COL22A1: variants seen among roughly 807,000 people sequenced by gnomAD.
COL22A1 encodes the protein collagen type XXII alpha 1 chain, also known as collagen alpha-1(XXII) chain.
A neutral mutation model predicts 248.9 loss-of-function variants in COL22A1; 221 were observed. That is an observed-to-expected ratio of 0.89 (90% CI 0.80 to 0.99). COL22A1 has a LOEUF of 0.99. COL22A1 is among the 50% of genes least tolerant of loss of function. The pLI, the probability that COL22A1 is intolerant of heterozygous loss-of-function variation, is 0.00. For synonymous variants in COL22A1, 891 were observed against 793.4 expected (o/e 1.12, Z -2.07); for missense variants, 2,240 against 2,179.0 (o/e 1.03, Z -0.56).
At chr8:138,656,092 C>G in intron 44 of COL22A1, 148 bp from the exon 45 acceptor site, 1 of 664,350 alleles carries the variant, frequency 1.5e-6, no homozygotes, top group Admixed American at 2.8e-5. Flanking sequence ...CAGTGGATGT[C>G]CCAAGCCTGG....
At position 138,589,333 on chromosome 8, in the gene COL22A1, G is replaced by A. The variant is rs920938360; in HGVS notation, c.4801C>T (p.Pro1601Ser). The A allele has an allele frequency of 6.2e-7, 1 of 1,612,756 alleles. No homozygotes were observed. Among genetic ancestry groups the A allele is most frequent in the Non-Finnish European group, 8.5e-7 (1 of 1,179,406 alleles). The change falls in exon 65 of 65, where the codon CCC becomes TCC. Residue 1601 changes from proline to serine, a missense_variant. Pro to Ser is a moderately conservative substitution (Grantham distance 74). Coordinates refer to ENST00000303045, the MANE Select transcript of COL22A1 (RefSeq NM_152888.3). ...TGGGAAGGGTCACATTGGCCTGGGG[G>A]ACCGGGAGGTCCTGGGAGGCCAGGA... ...GHPGLPGPPG[P>S]PGQCDPSQCA...
intron 12 of COL22A1, among the ~76,000 whole-genome samples, chr8:138,789,508 T>C (rs1426866554): frequency 1.3e-5 from 2 of 152,188 alleles, no homozygotes; most frequent in African/African-American, 4.8e-5. Flanking sequence ...CGTCAATATA[T>C]CTATATCTTA....
At chr8:138,642,272 G>T (rs1821781521) in intron 47 of COL22A1, among the ~76,000 whole-genome samples, 1 of 152,164 alleles carries the variant, frequency 6.6e-6, no homozygotes, top group Admixed American at 6.5e-5. Context: ...TGTAGCTGTG[G>T]CATTTAATCT....
chr8:138,789,480 A>G (rs972846554), intron 12 of COL22A1, among the ~76,000 whole-genome samples: 4 of 152,264 alleles, frequency 2.6e-5, no homozygotes, highest in African/African-American at 9.6e-5. Flanking sequence ...AAAAGGACCC[A>G]GAGCTAGAGG....
chr8:138,643,530 G>A (rs981546198), intron 47 of COL22A1, among the ~76,000 whole-genome samples: 2 of 151,954 alleles, frequency 1.3e-5, no homozygotes, highest in Non-Finnish European at 2.9e-5. Flanking sequence ...CTGGGCCTAG[G>A]GTAAGGAAAG....
At chr8:138,904,686 A>G (rs1289391003) in intron 1 of COL22A1, among the ~76,000 whole-genome samples, 2 of 152,136 alleles carry the variant, frequency 1.3e-5, no homozygotes, top group Admixed American at 6.5e-5. Context: ...CTCAGATTAC[A>G]GAGTCTTGAG....
At chr8:138,765,876 C>A (rs73719367) in intron 16 of COL22A1, among the ~76,000 whole-genome samples, 1 of 152,190 alleles carries the variant, frequency 6.6e-6, no homozygotes, top group Admixed American at 6.5e-5. Context: ...CCAGGCTAAG[C>A]AGCCAAGACC....
In COL22A1 at chr8:138,613,928, A is replaced by G; in HGVS notation, c.3925-8T>C. On this transcript the variant is annotated splice_polypyrimidine_tract_variant and splice_region_variant and intron_variant, in intron 55 of 64. Coordinates refer to ENST00000303045, the MANE Select transcript of COL22A1 (RefSeq NM_152888.3). ...AGTGGGTCCAGTGTCACCCTGGAAC[A>G]AAGACAGAGAGATGGTGTCATCATC... The G allele has an allele frequency of 6.2e-7, 1 of 1,605,962 alleles. No homozygotes were observed. Among genetic ancestry groups the G allele is most frequent in the Non-Finnish European group, 8.5e-7 (1 of 1,172,532 alleles).
Position 138,802,864 on chromosome 8 carries a change from C to G in COL22A1, c.1557+8G>C. 1 of 1,611,782 alleles carries G rather than the reference C, an allele frequency of 6.2e-7. No homozygotes were observed. Among genetic ancestry groups the G allele is most frequent in the Middle Eastern group, 1.7e-4 (1 of 6,056 alleles). On this transcript the variant is annotated splice_region_variant and intron_variant, in intron 11 of 64. Transcript: ENST00000303045. Reference sequence around the variant, plus strand: ...TTCAGCCATGTAGAGGAGCAGCCATCTACTCACCACATCACCTTTCTCTCC... The same window carrying G: ...TTCAGCCATGTAGAGGAGCAGCCATGTACTCACCACATCACCTTTCTCTCC...
chr8:138,711,899 T>C (rs1586538211), intron 30 of COL22A1, among the ~76,000 whole-genome samples: 1 of 152,166 alleles, frequency 6.6e-6, no homozygotes, highest in African/African-American at 2.4e-5. Flanking sequence ...GCCAGGACTT[T>C]CTATGTGCAC....
At chr8:138,829,413 T>TTTTTG (rs1819857162) in intron 5 of COL22A1, among the ~76,000 whole-genome samples, 1 of 140,108 alleles carries the variant, frequency 7.1e-6, no homozygotes, top group Non-Finnish European at 1.6e-5. Context: ...GTTTTTTTTT[T>TTTTTG]TTTTTTTTTT....
At chr8:138,807,076 A>G (rs1040556779) in intron 10 of COL22A1, among the ~76,000 whole-genome samples, 4 of 152,136 alleles carry the variant, frequency 2.6e-5, no homozygotes, top group South Asian at 4.1e-4. Context: ...GGAAGGAAAG[A>G]GAGAGATGAA....
chr8:138,595,125 C>T (rs900174714), intron 62 of COL22A1, among the ~76,000 whole-genome samples: 5 of 152,102 alleles, frequency 3.3e-5, no homozygotes, highest in Non-Finnish European at 7.4e-5. Context: ...CCAAGGCCCC[C>T]GGCGTTTGAT....
chr8:138,906,844 G>A (rs375580043), intron 1 of COL22A1, among the ~76,000 whole-genome samples: 104 of 152,190 alleles, frequency 6.8e-4, no homozygotes, highest in Admixed American at 5.2e-3. Flanking sequence ...GTAGAGACAC[G>A]GTTTTGCCAT....
chr8:138,624,968 C>A (rs1440566826), intron 51 of COL22A1, among the ~76,000 whole-genome samples: 1 of 152,184 alleles, frequency 6.6e-6, no homozygotes, highest in African/African-American at 2.4e-5. Flanking sequence ...TCATGCAGAA[C>A]CTACAGCACA....
intron 10 of COL22A1, among the ~76,000 whole-genome samples, chr8:138,807,338 G>A (rs1817815513): frequency 6.6e-6 from 1 of 152,178 alleles, no homozygotes; most frequent in African/African-American, 2.4e-5. Flanking sequence ...GAGGACAGAG[G>A]GGCCCTACCT....
intron 30 of COL22A1, among the ~76,000 whole-genome samples, chr8:138,703,750 G>A (rs1828163786): frequency 2.0e-5 from 3 of 152,150 alleles, no homozygotes; most frequent in Non-Finnish European, 4.4e-5. Context: ...TTCCAGCTGA[G>A]GTACCAGGTT....
intron 12 of COL22A1, among the ~76,000 whole-genome samples, chr8:138,793,375 G>A (rs747648721): frequency 1.2e-4 from 18 of 152,288 alleles, no homozygotes; most frequent in Admixed American, 3.9e-4. Context: ...GCCCTAGGGG[G>A]CAAAGGCTGG....
intron 3 of COL22A1, among the ~76,000 whole-genome samples, chr8:138,855,014 G>T (rs1162618304): frequency 6.6e-6 from 1 of 152,156 alleles, no homozygotes. Context: ...CAGCAGTCAA[G>T]AGACTGGCTC....
Sources: allele counts gnomAD v4.1 joint callset (sites outside exome capture counted in the v4.1 genomes callset), GRCh38; gene constraint gnomAD v4.1.1; transcripts MANE v1.5; gene names NCBI Gene and HGNC (gene_info 2026-07-23, HGNC 2026-07-21).